The following GYS2 variants were observed in gnomAD, a reference collection of about 807,000 sequenced individuals.
The protein encoded by GYS2 is glycogen [starch] synthase, liver.
GYS2 carries 80 observed loss-of-function variants against 85.6 expected under a neutral mutation model. The ratio of observed to expected loss-of-function variants is 0.93; its 90% CI spans 0.78 to 1.13. The LOEUF is 1.13. Ranked by LOEUF, GYS2 falls within the 50% of genes most tolerant of loss-of-function variation. The probability of loss-of-function intolerance (pLI) is 0.00; values close to 1 mark genes in which losing one functional copy is unlikely to be tolerated. For synonymous variants in GYS2, 328 were observed against 300.7 expected, an observed-to-expected ratio of 1.09 and a Z score of -0.94; for missense variants, 881 against 854.9, an observed-to-expected ratio of 1.03 and a Z score of -0.38.
chr12:21,537,971 A>G (rs1943929913), intron 15 of GYS2, among the ~76,000 whole-genome samples: 1 of 152,208 alleles, frequency 6.6e-6, no homozygotes, highest in Non-Finnish European at 1.5e-5. Flanking sequence ...ATACATGTAC[A>G]GTCATTTTAA....
At chr12:21,539,435 A>G (rs1226487030) in intron 14 of GYS2, 97 bp from the exon 15 acceptor site, 13 of 768,180 alleles carry the variant, frequency 1.7e-5, no homozygotes, top group Middle Eastern at 3.3e-4. Context: ...GTTCTGAAAC[A>G]TATGTATTTT....
chr12:21,558,698 C>T (rs1944213691), intron 10 of GYS2, among the ~76,000 whole-genome samples: 2 of 152,198 alleles, frequency 1.3e-5, no homozygotes, highest in African/African-American at 4.8e-5. Flanking sequence ...CATTCTGATG[C>T]AAGCCTGACA....
At chr12:21,576,310 A>T (rs1028723119) in intron 2 of GYS2, among the ~76,000 whole-genome samples, 1 of 152,194 alleles carries the variant, frequency 6.6e-6, no homozygotes, top group African/African-American at 2.4e-5. Context: ...AAATCATGTA[A>T]TCTCTGTTCA....
chr12:21,570,009 A>G (rs1388511306), intron 4 of GYS2, among the ~76,000 whole-genome samples: 1 of 152,182 alleles, frequency 6.6e-6, no homozygotes, highest in Non-Finnish European at 1.5e-5. Flanking sequence ...TCTTGTATTC[A>G]TCTGTTTTTA....
rs1238767920 is a variant in GYS2, at chr12:21,559,547, TC to T, written c.1229+103del. 44 of 745,522 alleles carry T rather than the reference TC, an allele frequency of 5.9e-5. No homozygotes were observed. In the African/African-American group the frequency reaches 6.9e-4, roughly 12 times the overall value. The allele number at this position is 745,522 out of a possible 1,614,324, so 46.2% of individuals were successfully genotyped here. ...TAACACATTTTCAAAGGTTATTAAT[TC>T]CTTGATATTTGGAACAAAATTAATA... On this transcript the variant is annotated intron_variant, in intron 9 of 15. Coordinates refer to ENST00000261195, the MANE Select transcript of GYS2 (RefSeq NM_021957.4).
In GYS2 at chr12:21,546,347, G is replaced by T; in HGVS notation, c.1546C>A (p.Pro516Thr). Residue 516 changes from proline (P) to threonine (T), a missense_variant, in exon 12 of 16, where the codon CCA becomes ACA. Physicochemically the swap from Pro to Thr is conservative, Grantham distance 38. Transcript: ENST00000261195. The stretch of plus-strand genomic sequence containing the variant: ...ACACTCTATACATGACACATACCTG[G>T]AGTATAACCCCAGGGTTCATAGTAT... Reference protein sequence around the residue: ...PSYYEPWGYTPAECTVMGIPS... With the variant: ...PSYYEPWGYTTAECTVMGIPS... 1 of 1,600,278 alleles carries T rather than the reference G, an allele frequency of 6.2e-7. No homozygotes were observed. Among genetic ancestry groups the T allele is most frequent in the Non-Finnish European group, 8.6e-7 (1 of 1,168,312 alleles).
At chr12:21,579,209 C>T (rs1217122688) in intron 2 of GYS2, among the ~76,000 whole-genome samples, 2 of 152,104 alleles carry the variant, frequency 1.3e-5, no homozygotes, top group African/African-American at 2.4e-5. Flanking sequence ...TAACAAATTA[C>T]CAATAGCCTA....
At chr12:21,572,106 T>TA (rs1944393812) in intron 4 of GYS2, among the ~76,000 whole-genome samples, 1 of 152,164 alleles carries the variant, frequency 6.6e-6, no homozygotes, top group Admixed American at 6.5e-5. Context: ...GATTGGACTT[T>TA]AAAAAATGAA....
In GYS2 at chr12:21,546,471, C is replaced by T. The variant is rs202043849; in HGVS notation, c.1423-1G>A. On this transcript the variant is annotated splice_acceptor_variant, in intron 11 of 15. Transcript: ENST00000261195. LOFTEE classifies it high-confidence loss of function. ...ATAGAAACTCTGGGTGCAAAATCACCTAAAAAAGGAAAATTCTAATTTAAA... is the reference window on the plus strand; with the variant it reads ...ATAGAAACTCTGGGTGCAAAATCACTTAAAAAAGGAAAATTCTAATTTAAA... The T allele has an allele frequency of 3.5e-5, 55 of 1,585,162 alleles. No individual in the cohort carries two copies. The highest frequency in any genetic ancestry group is 1.7e-4 in the Middle Eastern group (1 of 5,992).
rs1944541328 is a variant in GYS2, at chr12:21,583,907, G to A, written c.122-3384C>T. 2.6e-5 allele frequency among the ~76,000 whole-genome samples: 4 copies of A among 152,260 alleles called. No homozygotes were observed. The South Asian group carries it at 8.3e-4, about 32-fold the overall frequency. On this transcript the variant is annotated intron_variant, in intron 1 of 15. Coordinates refer to ENST00000261195, the MANE Select transcript of GYS2 (RefSeq NM_021957.4). Reference sequence around the variant, plus strand: ...GCACTAGTAAGTTACATGAGAAAGGGGCTCAAATGCCCATGGTCTCCACTC... The same window carrying A: ...GCACTAGTAAGTTACATGAGAAAGGAGCTCAAATGCCCATGGTCTCCACTC...
At chr12:21,559,759 ATCTTT>A in intron 8 of GYS2, 49 bp from the exon 9 acceptor site, 2 of 1,148,000 alleles carry the variant, frequency 1.7e-6, no homozygotes, top group Non-Finnish European at 2.6e-6. Flanking sequence ...ACAATGTTTA[ATCTTT>A]ATTTGTCACG....
At position 21,558,302 on chromosome 12, in the gene GYS2, C is replaced by T. The variant is rs762944832; in HGVS notation, c.1320G>A (p.Leu440=). ...RAIFSTQRQS[L]PPVTTHNMID... ...TCATGTTGTGCGTGGTCACTGGGGG[C>T]AATGACTGTCGCTGAAGTATGAGAG... The change falls in exon 11 of 16, where the codon TTG becomes TTA. Residue 440 remains leucine (L), a synonymous_variant. Coordinates refer to ENST00000261195, the MANE Select transcript of GYS2 (RefSeq NM_021957.4). The T allele has an allele frequency of 1.2e-6, 2 of 1,606,634 alleles. No individual in the cohort carries two copies. The highest frequency in any genetic ancestry group is 1.7e-6 in the Non-Finnish European group (2 of 1,173,284).
At chr12:21,576,879 C>A (rs746117739) in intron 2 of GYS2, among the ~76,000 whole-genome samples, 4 of 152,072 alleles carry the variant, frequency 2.6e-5, no homozygotes, top group Non-Finnish European at 4.4e-5. Flanking sequence ...TGATATACAA[C>A]CTCATAAACC....
At chr12:21,599,600 C>T (rs934402128) in intron 1 of GYS2, among the ~76,000 whole-genome samples, 23 of 152,182 alleles carry the variant, frequency 1.5e-4, no homozygotes, top group African/African-American at 5.3e-4. Context: ...TTACATAGAT[C>T]GTGTGTTTCA....
rs749035974 is a variant in GYS2, at chr12:21,560,922, A to T, written c.1063-430T>A. 2.0e-4 allele frequency among the ~76,000 whole-genome samples: 31 copies of T among 152,322 alleles called. 1 individual carries two copies. Among genetic ancestry groups the T allele is most frequent in the Non-Finnish European group, 3.7e-4 (25 of 68,028 alleles). On this transcript the variant is annotated intron_variant, in intron 7 of 15. Transcript: ENST00000261195. Reference sequence around the variant, plus strand: ...ATTTCAGATTGGAAGTTTAATGAAGATTTAAGCTTTGGTAAAAGCTAAAAT... The same window carrying T: ...ATTTCAGATTGGAAGTTTAATGAAGTTTTAAGCTTTGGTAAAAGCTAAAAT...
At chr12:21,589,506 A>G (rs1170840600) in intron 1 of GYS2, among the ~76,000 whole-genome samples, 1 of 152,190 alleles carries the variant, frequency 6.6e-6, no homozygotes, top group South Asian at 2.1e-4. Context: ...ACAAAGAACC[A>G]AAATAGTAAG....
intron 1 of GYS2, among the ~76,000 whole-genome samples, chr12:21,598,783 G>T (rs1373294224): frequency 2.0e-5 from 3 of 152,068 alleles, no homozygotes; most frequent in Non-Finnish European, 4.4e-5. Context: ...TTACCACAGC[G>T]TAGGTCATTG....
chr12:21,554,007 T>C (rs1591785903), intron 11 of GYS2, among the ~76,000 whole-genome samples: 1 of 152,346 alleles, frequency 6.6e-6, no homozygotes, highest in Non-Finnish European at 1.5e-5. Flanking sequence ...TTTTCCCCTG[T>C]GTGAGGCACA....
intron 1 of GYS2, among the ~76,000 whole-genome samples, chr12:21,599,994 T>C (rs1049001710): frequency 1.3e-5 from 2 of 152,174 alleles, no homozygotes; most frequent in Non-Finnish European, 1.5e-5. Flanking sequence ...AGAGATGCTA[T>C]GTAATAAATC....
Sources: gnomAD v4.1 joint callset for allele counts (sites outside exome capture counted in the v4.1 genomes callset) on GRCh38, gnomAD v4.1.1 for gene constraint, MANE v1.5 for transcripts, NCBI Gene and HGNC (gene_info 2026-07-23, HGNC 2026-07-21) for gene names.